The following TTC28 variants were observed in gnomAD, a reference collection of about 807,000 sequenced individuals.
TTC28 encodes tetratricopeptide repeat domain 28, also known as tetratricopeptide repeat protein 28.
A neutral mutation model predicts 198.0 loss-of-function variants in TTC28; 61 were observed. The ratio of observed to expected loss-of-function variants is 0.31; its 90% CI spans 0.25 to 0.38. The LOEUF is 0.38. Ranked by LOEUF, TTC28 falls within the 10% of genes least tolerant of loss-of-function variation. TTC28 has a pLI of 1.00. For missense variants in TTC28, 2,678 were observed against 3,164.0 expected, an observed-to-expected ratio of 0.85 and a Z score of 3.69; for synonymous variants, 1,171 against 1,297.8, an observed-to-expected ratio of 0.90 and a Z score of 2.10.
At chr22:28,373,336 GTT>G (rs1274850910) in intron 2 of TTC28, among the ~76,000 whole-genome samples, 1 of 151,738 alleles carries the variant, frequency 6.6e-6, no homozygotes, top group Non-Finnish European at 1.5e-5. Flanking sequence ...GTACACAAAA[GTT>G]TAATTTCTTA....
intron 2 of TTC28, among the ~76,000 whole-genome samples, chr22:28,568,465 T>C (rs1335200888): frequency 1.3e-5 from 2 of 152,194 alleles, no homozygotes; most frequent in African/African-American, 4.8e-5. Context: ...CAAAACCCTG[T>C]AGTCTCTGTC....
rs1489094191 is a variant in TTC28, at chr22:28,642,434, AAAAAAAAAAACAAC to A, written c.103-12618_103-12605del. Among the ~76,000 whole-genome samples the A allele has an allele frequency of 1.3e-3, 145 of 109,114 alleles. 1 individual carries two copies. Among genetic ancestry groups the A allele is most frequent in the Middle Eastern group, 4.1e-3 (1 of 246 alleles). 71.6% of individuals were successfully genotyped at this position (109,114 alleles called of 152,430 possible). ...TAACAGTATAAGCTGTTTGCCGTTT[AAAAAAAAAAACAAC>A]AAAAAAAAAACACTAGCTTCGCCTG... On this transcript the variant is annotated intron_variant, in intron 1 of 22. Transcript: ENST00000397906.
chr22:28,282,452 G>T (rs934582891), intron 5 of TTC28, among the ~76,000 whole-genome samples: 1 of 152,122 alleles, frequency 6.6e-6, no homozygotes, highest in African/African-American at 2.4e-5. Flanking sequence ...CTGTGCTGTC[G>T]AATATGGCCA....
At chr22:28,639,171 T>C (rs917349852) in intron 1 of TTC28, among the ~76,000 whole-genome samples, 15 of 152,312 alleles carry the variant, frequency 9.8e-5, no homozygotes, top group African/African-American at 3.1e-4. Context: ...ATTTAAATGT[T>C]AGACAACAGG....
chr22:28,505,991 A>AG (rs1489628634), intron 2 of TTC28, among the ~76,000 whole-genome samples: 1 of 152,248 alleles, frequency 6.6e-6, no homozygotes, highest in African/African-American at 2.4e-5. Context: ...CGAACAAGGA[A>AG]GGGTCCCCCA....
At chr22:28,185,741 TATATC>T (rs1223628831) in intron 5 of TTC28, among the ~76,000 whole-genome samples, 38 of 152,322 alleles carry the variant, frequency 2.5e-4, no homozygotes, top group African/African-American at 8.2e-4. Context: ...TGAATTATGA[TATATC>T]AGATGCTTTT....
At chr22:28,234,451 C>CA (rs1246233949) in intron 5 of TTC28, among the ~76,000 whole-genome samples, 1 of 152,090 alleles carries the variant, frequency 6.6e-6, no homozygotes, top group African/African-American at 2.4e-5. Context: ...CAGCTCACTG[C>CA]AACCTCAGCC....
intron 2 of TTC28, among the ~76,000 whole-genome samples, chr22:28,576,719 A>AT (rs779654421): frequency 2.6e-4 from 39 of 152,080 alleles, no homozygotes; most frequent in Middle Eastern, 3.4e-3. Flanking sequence ...TTGGTAGGCT[A>AT]TATGTGTCTA....
intron 1 of TTC28, among the ~76,000 whole-genome samples, chr22:28,658,691 A>G (rs1024080859): frequency 6.6e-6 from 1 of 152,248 alleles, no homozygotes; most frequent in Non-Finnish European, 1.5e-5. Flanking sequence ...AATTTGACAT[A>G]CATTTTACAA....
At chr22:28,677,488 A>G (rs921337146) in intron 1 of TTC28, among the ~76,000 whole-genome samples, 14 of 152,120 alleles carry the variant, frequency 9.2e-5, no homozygotes, top group African/African-American at 3.4e-4. Context: ...CTCTACTAAA[A>G]TAATACAACA....
At chr22:28,542,153 A>G (rs956108283) in intron 2 of TTC28, among the ~76,000 whole-genome samples, 35 of 152,262 alleles carry the variant, frequency 2.3e-4, no homozygotes, top group Non-Finnish European at 3.2e-4. Flanking sequence ...TACACCAGCC[A>G]TAAAAAAATT....
chr22:28,580,903 T>C (rs1286217464), intron 2 of TTC28, among the ~76,000 whole-genome samples: 2 of 152,106 alleles, frequency 1.3e-5, no homozygotes, highest in Admixed American at 6.5e-5. Flanking sequence ...TAAATGAAAA[T>C]CAATATTTAT....
At chr22:28,386,810 T>A (rs577192831) in intron 2 of TTC28, among the ~76,000 whole-genome samples, 3 of 152,232 alleles carry the variant, frequency 2.0e-5, no homozygotes, top group African/African-American at 7.2e-5. Context: ...AGCTTTCTTA[T>A]AGTTTTTTTT....
chr22:28,252,331 T>C (rs547512265), intron 5 of TTC28, among the ~76,000 whole-genome samples: 3 of 152,212 alleles, frequency 2.0e-5, no homozygotes, highest in Non-Finnish European at 4.4e-5. Flanking sequence ...TTATTCTCTA[T>C]TCCAACTACT....
chr22:28,660,348 C>T lies in TTC28; in HGVS notation c.102+19274G>A, dbSNP rs969472617. Among the ~76,000 whole-genome samples, 26 of 152,096 alleles carry T rather than the reference C, an allele frequency of 1.7e-4. 1 individual carries two copies. The highest frequency in any genetic ancestry group is 1.2e-4 in the Non-Finnish European group (8 of 68,002). Reference sequence around the variant, plus strand: ...AAGGAAATTTTTTTTCTTTTAGAGACGGAGTCTCGCTCTGTTGCCCAGACT... The same window carrying T: ...AAGGAAATTTTTTTTCTTTTAGAGATGGAGTCTCGCTCTGTTGCCCAGACT... On this transcript the variant is annotated intron_variant, in intron 1 of 22. Transcript: ENST00000397906.
intron 2 of TTC28, among the ~76,000 whole-genome samples, chr22:28,406,083 T>G (rs1056005083): frequency 6.6e-6 from 1 of 152,230 alleles, no homozygotes; most frequent in African/African-American, 2.4e-5. Flanking sequence ...AGCCCCAATT[T>G]TGGGGCTCGC....
At chr22:28,401,651 C>A (rs78110582) in intron 2 of TTC28, among the ~76,000 whole-genome samples, 2,454 of 152,158 alleles carry the variant, frequency 0.016, 88 homozygotes, top group African/African-American at 0.057. Context: ...CCAGGTCAGG[C>A]ACAGTGGCCT....
chr22:28,529,239 C>T (rs2049076377), intron 2 of TTC28, among the ~76,000 whole-genome samples: 2 of 20,218 alleles, frequency 9.9e-5, no homozygotes, highest in Admixed American at 7.2e-4. Flanking sequence ...ATGGTCTTAG[C>T]AAATGGCACA....
At position 27,981,562 on chromosome 22, in the gene TTC28, G is replaced by A. The variant is rs1347704705; in HGVS notation, c.*659C>T. ...AAAATTCAAGTTTGGTTGACAGCGG[G>A]ACCCAAAAGACATTTGCAGAGCAGA... is the stretch of plus-strand genomic sequence containing the variant. On this transcript the variant is annotated 3_prime_UTR_variant, in exon 23 of 23. Coordinates refer to ENST00000397906, the MANE Select transcript of TTC28 (RefSeq NM_001145418.2). 1.3e-5 allele frequency: 2 copies of A among 151,852 alleles called. No homozygotes were observed. Among genetic ancestry groups the A allele is most frequent in the Non-Finnish European group, 2.9e-5 (2 of 67,992 alleles). The allele number at this position is 151,852 out of a possible 1,614,324, so 9.4% of individuals were successfully genotyped here.
Sources: gnomAD v4.1 joint callset for allele counts (sites outside exome capture counted in the v4.1 genomes callset) on GRCh38, gnomAD v4.1.1 for gene constraint, MANE v1.5 for transcripts, NCBI Gene and HGNC (gene_info 2026-07-23, HGNC 2026-07-21) for gene names.